Variants in RGPD1 observed in about 807,000 individuals in gnomAD.
RGPD1 encodes the protein RANBP2 like and GRIP domain containing 1.
RGPD1 carries 7 observed loss-of-function variants against 40.6 expected under a neutral mutation model. That is an observed-to-expected ratio of 0.17 (90% CI 0.10 to 0.32). The LOEUF (loss-of-function observed/expected upper bound fraction) is 0.32, where lower values mean the gene tolerates loss of function less well. Among genes scored for constraint, RGPD1 ranks in the 10% least tolerant of loss-of-function variants. The probability of loss-of-function intolerance (pLI) is 1.00; values close to 1 mark genes in which losing one functional copy is unlikely to be tolerated. For missense variants in RGPD1, 50 were observed against 472.5 expected (o/e 0.11, Z 8.29); for synonymous variants, 24 against 167.0 (o/e 0.14, Z 6.60).
intron 6 of RGPD1, among the ~76,000 whole-genome samples, chr2:86,962,551 T>A: frequency 8.2e-6 from 1 of 122,282 alleles, no homozygotes; most frequent in African/African-American, 3.8e-5. Context: ...TATTTAACGC[T>A]GTAATGATCT....
rs1485224674 is a variant in RGPD1 at position 86,960,477 on chromosome 2, G to A, written c.779+2050G>A. Among the ~76,000 whole-genome samples, 3 of 83,942 alleles carry A rather than the reference G, an allele frequency of 3.6e-5. No homozygotes were observed. In the East Asian group the frequency reaches 9.7e-4, roughly 27 times the overall value. 55.1% of individuals were successfully genotyped at this position (83,942 alleles called of 152,430 possible). On this transcript the variant is annotated intron_variant, in intron 6 of 22. Coordinates refer to ENST00000641458, the MANE Select transcript of RGPD1 (RefSeq NM_001382344.1). Reference sequence around the variant, plus strand: ...CCTGACCTCGTGATCTGCCCTCCTCGGCCTCCCAAAGTGTTGGGATTACAG... The same window carrying A: ...CCTGACCTCGTGATCTGCCCTCCTCAGCCTCCCAAAGTGTTGGGATTACAG...
chr2:86,926,954 C>T (rs1678553762), intron 1 of RGPD1, among the ~76,000 whole-genome samples: 2 of 152,062 alleles, frequency 1.3e-5, no homozygotes, highest in African/African-American at 4.8e-5. Flanking sequence ...TAATGTGTTA[C>T]ATTTGAGAGA....
chr2:86,923,454 C>T (rs1420093856), intron 1 of RGPD1, among the ~76,000 whole-genome samples: 1 of 151,372 alleles, frequency 6.6e-6, no homozygotes, highest in African/African-American at 2.4e-5. Flanking sequence ...TATGCACACT[C>T]ATGTAACCTA....
At chr2:86,914,151 G>A (rs866200843) in intron 1 of RGPD1, among the ~76,000 whole-genome samples, 2 of 95,078 alleles carry the variant, frequency 2.1e-5, no homozygotes, top group African/African-American at 4.4e-5. Flanking sequence ...GGCGGCGGCG[G>A]CGGCGGCGGC....
chr2:86,942,539 G>GGGCGGCGGC (rs1230618193), intron 1 of RGPD1, among the ~76,000 whole-genome samples: 1 of 68,408 alleles, frequency 1.5e-5, no homozygotes, highest in Non-Finnish European at 3.1e-5. Context: ...CGACCTGGCC[G>GGGCGGCGGC]GGCGGCGGCG....
chr2:86,942,055 C>T (rs1319494226), upstream of RGPD1, among the ~76,000 whole-genome samples: 6 of 151,588 alleles, frequency 4.0e-5, no homozygotes, highest in Admixed American at 2.6e-4. Context: ...AGAGCCCGGC[C>T]GAGTGCAGCT....
In RGPD1 at chr2:86,942,122, A is replaced by G; in HGVS notation, c.-115A>G. The stretch of plus-strand genomic sequence containing the variant: ...CTGACGCAGTACACAAGTGCGTCAC[A>G]GTGGTCCTCCGCCGGCTACGTCAGT... On this transcript the variant is annotated 5_prime_UTR_variant, in exon 1 of 23. Transcript: ENST00000641458. 2 of 1,408,336 alleles carry G rather than the reference A, an allele frequency of 1.4e-6. No individual in the cohort carries two copies. Among genetic ancestry groups the G allele is most frequent in the South Asian group, 2.5e-5 (2 of 81,130 alleles). 87.2% of individuals were successfully genotyped at this position (1,408,336 alleles called of 1,614,324 possible).
chr2:86,934,692 G>A lies in RGPD1; in HGVS notation c.73-16604G>A, dbSNP rs577359845. 6.0e-5 allele frequency: 12 copies of A among 198,852 alleles called. No individual in the cohort carries two copies. The East Asian group carries it at 1.8e-3, about 31-fold the overall frequency. 12.3% of individuals were successfully genotyped at this position (198,852 alleles called of 1,614,324 possible). A position where few individuals can be genotyped will look rare whatever the true frequency, so the allele number is the denominator to read the frequency against. On this transcript the variant is annotated intron_variant, in intron 1 of 22. Coordinates refer to the RGPD1 transcript ENST00000398193. ...GATGAGCCCTCGGCAGTTAGGGTAAGCAGGTTTCAGCCAGGCTCTTAATGG... is the reference window on the plus strand; with the variant it reads ...GATGAGCCCTCGGCAGTTAGGGTAAACAGGTTTCAGCCAGGCTCTTAATGG...
chr2:86,938,576 TCAGA>T (rs1397504142), upstream of RGPD1, among the ~76,000 whole-genome samples: 1 of 151,336 alleles, frequency 6.6e-6, no homozygotes, highest in Non-Finnish European at 1.5e-5. Flanking sequence ...GCTGACATAT[TCAGA>T]CAAAGCAAGA....
intron 1 of RGPD1, among the ~76,000 whole-genome samples, chr2:86,918,108 G>T (rs1677843964): frequency 6.7e-6 from 1 of 149,610 alleles, no homozygotes; most frequent in African/African-American, 2.4e-5. Context: ...CACACATATT[G>T]CTTAGGATGT....
At chr2:86,943,907 G>T (rs543322929) in intron 1 of RGPD1, among the ~76,000 whole-genome samples, 2 of 151,994 alleles carry the variant, frequency 1.3e-5, no homozygotes, top group African/African-American at 4.8e-5. Flanking sequence ...CCAGCTACCC[G>T]GGAGGCTGAG....
chr2:86,918,417 GTACCATTCTA>G (rs1677879831), intron 1 of RGPD1, among the ~76,000 whole-genome samples: 1 of 118,302 alleles, frequency 8.5e-6, no homozygotes. Flanking sequence ...TAGCTCAGCT[GTACCATTCTA>G]TATGTTTTAG....
chr2:86,924,587 T>TC (rs2104680265), intron 1 of RGPD1, among the ~76,000 whole-genome samples: 1 of 150,318 alleles, frequency 6.7e-6, no homozygotes, highest in South Asian at 2.1e-4. Flanking sequence ...TACCTCAGCC[T>TC]CCAAGTGGCT....
chr2:86,930,837 T>C (rs1573583780), intron 1 of RGPD1: 3 of 794,896 alleles, frequency 3.8e-6, no homozygotes, highest in East Asian at 5.6e-5. Flanking sequence ...GCCACTGCCA[T>C]GGTCCCTGCC....
chr2:86,930,095 G>A (rs940305839), intron 1 of RGPD1, among the ~76,000 whole-genome samples: 3 of 141,832 alleles, frequency 2.1e-5, no homozygotes, highest in Admixed American at 1.4e-4. Flanking sequence ...CAAGGGCAGA[G>A]CTTAATACCG....
At chr2:86,924,633 T>A (rs909229223) in intron 1 of RGPD1, among the ~76,000 whole-genome samples, 4 of 150,980 alleles carry the variant, frequency 2.6e-5, no homozygotes, top group African/African-American at 7.3e-5. Context: ...CCTGGCTAAT[T>A]TTTAAATTTT....
chr2:86,938,558 TCAAG>T (rs1254587443), upstream of RGPD1, among the ~76,000 whole-genome samples: 4 of 147,376 alleles, frequency 2.7e-5, no homozygotes. Flanking sequence ...AAGTTACCTA[TCAAG>T]CAAGCTGACA....
intron 1 of RGPD1, chr2:86,922,552 T>TTGACC (rs1206287995): frequency 1.0e-5 from 1 of 97,606 alleles, no homozygotes; most frequent in African/African-American, 7.8e-5. Context: ...TCCGAATCCT[T>TTGACC]TAAGTTGATC....
upstream of RGPD1, among the ~76,000 whole-genome samples, chr2:86,941,041 ATT>A (rs1679704710): frequency 6.6e-6 from 1 of 150,892 alleles, no homozygotes; most frequent in African/African-American, 2.4e-5. Context: ...TTATATCAAA[ATT>A]TAGAAAATAT....
Sources: gnomAD v4.1 joint callset for allele counts (sites outside exome capture counted in the v4.1 genomes callset) on GRCh38, gnomAD v4.1.1 for gene constraint, MANE v1.5 for transcripts, NCBI Gene and HGNC (gene_info 2026-07-23, HGNC 2026-07-21) for gene names.